The following TET2 variants were observed in gnomAD, a reference collection of about 807,000 sequenced individuals.
TET2 encodes the protein methylcytosine dioxygenase TET2.
TET2 carries 299 observed loss-of-function variants against 142.9 expected under a neutral mutation model. That is an observed-to-expected ratio of 2.09 (90% CI 1.90 to 2.30). TET2 has a LOEUF of 2.30. Ranked by LOEUF, TET2 falls within the 30% of genes most tolerant of loss-of-function variation. The pLI is 0.00. For missense variants in TET2, 2,418 were observed against 2,378.0 expected, an observed-to-expected ratio of 1.02 and a Z score of -0.35; for synonymous variants, 819 against 849.0, an observed-to-expected ratio of 0.96 and a Z score of 0.61.
At chr4:105,191,057 G>A (rs1481735642) in intron 2 of TET2, among the ~76,000 whole-genome samples, 3 of 152,096 alleles carry the variant, frequency 2.0e-5, no homozygotes, top group Non-Finnish European at 2.9e-5. Flanking sequence ...CATACGGTTT[G>A]TTTTTAATGG....
intron 1 of TET2, among the ~76,000 whole-genome samples, chr4:105,181,422 AGACAACC>A (rs1228317179): frequency 1.3e-5 from 2 of 152,226 alleles, no homozygotes; most frequent in African/African-American, 4.8e-5. Flanking sequence ...AGCTGGTGAT[AGACAACC>A]GACTCTTCTT....
At chr4:105,269,856 C>T (rs868243768) in intron 9 of TET2, 109 bp downstream of exon 9, 2 of 1,306,506 alleles carry the variant, frequency 1.5e-6, no homozygotes, top group African/African-American at 1.5e-5. Flanking sequence ...TTAATTGACT[C>T]ACAGTTCCAC....
Position 105,276,835 on chromosome 4 carries a change from TGA to T in TET2, c.*317_*318del. The T allele has an allele frequency of 4.4e-6, 1 of 228,250 alleles. No individual in the cohort carries two copies. The highest frequency in any genetic ancestry group is 6.9e-5 in the Admixed American group (1 of 14,518). The allele number at this position is 228,250 out of a possible 1,614,324, so 14.1% of individuals were successfully genotyped here. ...TATTGGACGAGATGATATGTAAATG[TGA>T]TCCCCCCCCCCCGCTTACAACTCTA... On this transcript the variant is annotated 3_prime_UTR_variant, in exon 11 of 11. Coordinates refer to ENST00000380013, the MANE Select transcript of TET2 (RefSeq NM_001127208.3).
chr4:105,214,732 G>T (rs753194656), intron 2 of TET2, among the ~76,000 whole-genome samples: 1 of 152,016 alleles, frequency 6.6e-6, no homozygotes, highest in African/African-American at 2.4e-5. Flanking sequence ...GGGAGCTTCT[G>T]GATAGCTGAA....
At position 105,235,967 on chromosome 4, in the gene TET2, A is replaced by C. The variant is rs774843998; in HGVS notation, c.2025A>C (p.Ser675=). The change falls in exon 3 of 11, where the codon TCA becomes TCC. Residue 675 remains serine, a synonymous_variant. Transcript: ENST00000380013. Reference sequence around the variant, plus strand: ...ATTTACCAAAAGCTCATGTGCAGTCACTGTGTGGCACTAGATTTCATTTTC... The same window carrying C: ...ATTTACCAAAAGCTCATGTGCAGTCCCTGTGTGGCACTAGATTTCATTTTC... ...TDHLPKAHVQ[S]LCGTRFHFQQ... is the part of the protein sequence containing the mutation. The C allele has an allele frequency of 6.2e-7, 1 of 1,614,202 alleles. No individual in the cohort carries two copies. The highest frequency in any genetic ancestry group is 1.1e-5 in the South Asian group (1 of 91,086).
chr4:105,266,605 T>TAC (rs1057308456), intron 8 of TET2, among the ~76,000 whole-genome samples: 4 of 152,046 alleles, frequency 2.6e-5, no homozygotes, highest in African/African-American at 9.7e-5. Context: ...TAAAATACCC[T>TAC]ACAATGACCT....
intron 2 of TET2, among the ~76,000 whole-genome samples, chr4:105,233,250 A>T (rs1292434448): frequency 6.6e-6 from 1 of 151,772 alleles, no homozygotes; most frequent in African/African-American, 2.4e-5. Flanking sequence ...TAGGCATGGT[A>T]GCAGGCACCT....
Position 105,259,639 on chromosome 4 carries a change from G to T in TET2, c.3824G>T (p.Gly1275Val), listed in dbSNP as rs1468984483. The T allele has an allele frequency of 6.4e-7, 1 of 1,550,834 alleles. No individual in the cohort carries two copies. Among genetic ancestry groups the T allele is most frequent in the Non-Finnish European group, 8.7e-7 (1 of 1,146,380 alleles). The change falls in exon 7 of 11, where the codon GGG becomes GTG. Residue 1275 changes from glycine to valine, a missense_variant. Transcript: ENST00000380013. ...TTCAGGAGAACTTGCGCCTGTCAGG[G>T]GCTGGATCCAGAAACCTGTGGTGCC... ...LNEERTCACQ[G>V]LDPETCGASF...
chr4:105,233,078 G>T (rs560920009), intron 2 of TET2, among the ~76,000 whole-genome samples: 5 of 152,038 alleles, frequency 3.3e-5, no homozygotes, highest in African/African-American at 1.2e-4. Flanking sequence ...TAGGGGAGGA[G>T]AACCCTTTTA....
chr4:105,211,803 A>G (rs926785080), intron 2 of TET2, among the ~76,000 whole-genome samples: 4 of 152,218 alleles, frequency 2.6e-5, no homozygotes, highest in African/African-American at 9.6e-5. Context: ...TGTCTTTCAC[A>G]TATCTCATTT....
chr4:105,229,539 G>C (rs943426063), intron 2 of TET2, among the ~76,000 whole-genome samples: 5 of 151,902 alleles, frequency 3.3e-5, no homozygotes, highest in African/African-American at 1.2e-4. Context: ...TCGATCTCTT[G>C]ACCTCGTGAT....
chr4:105,178,536 A>G (rs979805174), intron 1 of TET2, among the ~76,000 whole-genome samples: 1 of 152,190 alleles, frequency 6.6e-6, no homozygotes, highest in African/African-American at 2.4e-5. Flanking sequence ...GGATGTAACC[A>G]CCAATAGTGA....
intron 2 of TET2, among the ~76,000 whole-genome samples, chr4:105,230,419 A>G (rs374332697): frequency 4.0e-4 from 61 of 152,278 alleles, no homozygotes; most frequent in African/African-American, 1.3e-3. Context: ...GTCATCCTAC[A>G]TGATATTTGT....
At chr4:105,206,752 A>AT (rs1177228034) in intron 2 of TET2, among the ~76,000 whole-genome samples, 1 of 152,170 alleles carries the variant, frequency 6.6e-6, no homozygotes, top group African/African-American at 2.4e-5. Context: ...GACTGTTTAA[A>AT]TCATTTACTG....
intron 1 of TET2, among the ~76,000 whole-genome samples, chr4:105,167,538 C>T (rs541394970): frequency 1.3e-5 from 2 of 152,130 alleles, no homozygotes; most frequent in East Asian, 3.9e-4. Flanking sequence ...TTTCACTGTA[C>T]TTTATTTGCT....
intron 2 of TET2, among the ~76,000 whole-genome samples, chr4:105,209,730 A>C (rs914356728): frequency 1.3e-5 from 2 of 152,200 alleles, no homozygotes; most frequent in Admixed American, 6.5e-5. Context: ...GTAGGTAGCC[A>C]TGAAAGAATT....
intron 6 of TET2, among the ~76,000 whole-genome samples, chr4:105,255,702 A>T (rs145552883): frequency 6.6e-6 from 1 of 152,066 alleles, no homozygotes; most frequent in Admixed American, 6.6e-5. Context: ...ACTTTTTATT[A>T]TAAAATGTGT....
rs1226147164 is a variant in TET2, at chr4:105,270,676, A to T, written c.4182+929A>T. On this transcript the variant is annotated intron_variant, in intron 9 of 10. Coordinates refer to ENST00000380013, the MANE Select transcript of TET2 (RefSeq NM_001127208.3). ...GGTGAGGGGAAAATAGATACATGTT[A>T]TATATATATATATATATATATATGT... Among the ~76,000 whole-genome samples, 4 of 10,104 alleles carry T rather than the reference A, an allele frequency of 4.0e-4. No individual in the cohort carries two copies. In the African/African-American group the frequency reaches 0.01, roughly 26 times the overall value. The allele number at this position is 10,104 out of a possible 152,430, so 6.6% of individuals were successfully genotyped here.
intron 6 of TET2, 142 bp from the exon 7 acceptor site, chr4:105,259,477 G>A (rs1263781197): frequency 7.4e-6 from 5 of 671,534 alleles, no homozygotes; most frequent in Non-Finnish European, 1.2e-5. Context: ...AAATAGTTCT[G>A]TGTGTGGTTA....
Sources: allele counts gnomAD v4.1 joint callset (sites outside exome capture counted in the v4.1 genomes callset), GRCh38; gene constraint gnomAD v4.1.1; transcripts MANE v1.5; gene names NCBI Gene and HGNC (gene_info 2026-07-23, HGNC 2026-07-21).